CCBE1: variants seen among roughly 807,000 people sequenced by gnomAD.
CCBE1 encodes collagen and calcium binding EGF domains 1, also known as collagen and calcium-binding EGF domain-containing protein 1.
CCBE1 carries 37 observed loss-of-function variants against 50.0 expected under a neutral mutation model. The observed-to-expected ratio is 0.74, with a 90% confidence interval of 0.57 to 0.97. The LOEUF (loss-of-function observed/expected upper bound fraction) is 0.97. Among genes scored for constraint, CCBE1 ranks in the 50% least tolerant of loss-of-function variants. The probability of loss-of-function intolerance (pLI) is 0.00; values close to 1 mark genes in which losing one functional copy is unlikely to be tolerated. For synonymous variants in CCBE1, 234 were observed against 203.7 expected (o/e 1.15, Z -1.27); for missense variants, 538 against 523.8 (o/e 1.03, Z -0.26).
chr18:59,448,209 T>G, intron 6 of CCBE1, 106 bp from the exon 7 acceptor site: 1 of 1,500,274 alleles, frequency 6.7e-7, no homozygotes, highest in South Asian at 1.2e-5. Flanking sequence ...GACATATGTA[T>G]ATACTTTTTA....
At chr18:59,630,442 C>T (rs974728337) in intron 2 of CCBE1, among the ~76,000 whole-genome samples, 2 of 152,152 alleles carry the variant, frequency 1.3e-5, no homozygotes, top group African/African-American at 4.8e-5. Context: ...GGAAAACCAC[C>T]ATTTTATGAT....
At chr18:59,552,252 C>T (rs1915956119) in intron 2 of CCBE1, among the ~76,000 whole-genome samples, 1 of 152,170 alleles carries the variant, frequency 6.6e-6, no homozygotes, top group African/African-American at 2.4e-5. Flanking sequence ...TCAATGAAAG[C>T]CACAAGGAGT....
At chr18:59,673,393 G>A (rs1055314521) in intron 2 of CCBE1, among the ~76,000 whole-genome samples, 1 of 152,206 alleles carries the variant, frequency 6.6e-6, no homozygotes, top group African/African-American at 2.4e-5. Flanking sequence ...GGAGGTTGTA[G>A]TGAGCCAAGA....
intron 2 of CCBE1, among the ~76,000 whole-genome samples, chr18:59,544,316 T>C (rs1353457374): frequency 6.6e-6 from 1 of 151,010 alleles, no homozygotes; most frequent in East Asian, 1.9e-4. Context: ...AATCACTAAC[T>C]GTATTTGTCT....
intron 2 of CCBE1, among the ~76,000 whole-genome samples, chr18:59,592,006 T>C (rs927813504): frequency 1.3e-5 from 2 of 152,214 alleles, no homozygotes; most frequent in African/African-American, 2.4e-5. Flanking sequence ...CTTGACCTCA[T>C]GTGACACGTC....
chr18:59,627,558 G>A (rs758539307), intron 2 of CCBE1, among the ~76,000 whole-genome samples: 4 of 152,138 alleles, frequency 2.6e-5, no homozygotes, highest in Non-Finnish European at 5.9e-5. Context: ...AGGTCACACT[G>A]GCTTAGAGCG....
chr18:59,512,130 G>C (rs1436588522), intron 2 of CCBE1, among the ~76,000 whole-genome samples: 1 of 152,226 alleles, frequency 6.6e-6, no homozygotes, highest in East Asian at 1.9e-4. Flanking sequence ...GGCAGGAAGG[G>C]AAGTGCTGGG....
intron 2 of CCBE1, among the ~76,000 whole-genome samples, chr18:59,638,601 C>T (rs2053944462): frequency 6.6e-6 from 1 of 152,100 alleles, no homozygotes; most frequent in Admixed American, 6.5e-5. Context: ...TTCAAGTAGA[C>T]TAATAAGAAA....
chr18:59,485,680 G>T (rs1296235428), intron 2 of CCBE1, among the ~76,000 whole-genome samples: 1 of 151,114 alleles, frequency 6.6e-6, no homozygotes, highest in South Asian at 2.1e-4. Flanking sequence ...GCATGATCTC[G>T]GCTCCCTGCA....
At chr18:59,585,927 T>C (rs1425989803) in intron 2 of CCBE1, among the ~76,000 whole-genome samples, 1 of 152,238 alleles carries the variant, frequency 6.6e-6, no homozygotes, top group African/African-American at 2.4e-5. Context: ...TGTCTAGCAA[T>C]AAAATTTTAG....
chr18:59,511,523 A>C (rs577886409), intron 2 of CCBE1, among the ~76,000 whole-genome samples: 4 of 152,246 alleles, frequency 2.6e-5, no homozygotes, highest in African/African-American at 7.2e-5. Flanking sequence ...GCAGATGTAC[A>C]TATTTTCTTA....
At chr18:59,474,305 T>C (rs984460423) in intron 3 of CCBE1, among the ~76,000 whole-genome samples, 1 of 152,270 alleles carries the variant, frequency 6.6e-6, no homozygotes, top group Admixed American at 6.5e-5. Flanking sequence ...CTGAGACGGC[T>C]GCTCTAGTTT....
chr18:59,630,920 T>C (rs2053841503), intron 2 of CCBE1, among the ~76,000 whole-genome samples: 1 of 152,224 alleles, frequency 6.6e-6, no homozygotes, highest in South Asian at 2.1e-4. Flanking sequence ...CACTGGCAGA[T>C]ATCAAAGGAA....
At chr18:59,686,694 T>TTTC in intron 2 of CCBE1, among the ~76,000 whole-genome samples, 1 of 152,312 alleles carries the variant, frequency 6.6e-6, no homozygotes, top group East Asian at 1.9e-4. Flanking sequence ...TCATCATCCC[T>TTTC]TTCCTTCCCC....
At chr18:59,651,680 A>G (rs2054130561) in intron 2 of CCBE1, among the ~76,000 whole-genome samples, 1 of 152,220 alleles carries the variant, frequency 6.6e-6, no homozygotes, top group South Asian at 2.1e-4. Flanking sequence ...GTCAGAGAAA[A>G]GGACATGCTC....
intron 2 of CCBE1, among the ~76,000 whole-genome samples, chr18:59,690,292 A>G (rs908593255): frequency 5.9e-5 from 9 of 152,244 alleles, no homozygotes; most frequent in Admixed American, 1.3e-4. Flanking sequence ...GCTTCGCAGA[A>G]AAAAAGGACC....
chr18:59,546,657 TGTTATA>T (rs2144399673), intron 2 of CCBE1, among the ~76,000 whole-genome samples: 1 of 152,380 alleles, frequency 6.6e-6, no homozygotes, highest in South Asian at 2.1e-4. Context: ...TGTAGAAACC[TGTTATA>T]GTTAAGAAAT....
At chr18:59,586,990 A>G (rs2053187473) in intron 2 of CCBE1, among the ~76,000 whole-genome samples, 1 of 152,236 alleles carries the variant, frequency 6.6e-6, no homozygotes, top group Admixed American at 6.5e-5. Context: ...AATGAAATGG[A>G]AACCGTGAAC....
chr18:59,637,554 A>G (rs1189689646), intron 2 of CCBE1, among the ~76,000 whole-genome samples: 1 of 152,210 alleles, frequency 6.6e-6, no homozygotes. Flanking sequence ...AAAGGAATGA[A>G]AAAAACAACT....
Sources: allele counts gnomAD v4.1 joint callset (sites outside exome capture counted in the v4.1 genomes callset), GRCh38; gene constraint gnomAD v4.1.1; transcripts MANE v1.5; gene names NCBI Gene and HGNC (gene_info 2026-07-23, HGNC 2026-07-21).